MRPL42: variants seen among roughly 807,000 people sequenced by gnomAD.
MRPL42 encodes large ribosomal subunit protein mL42.
Under a neutral mutation model 17.9 loss-of-function variants are expected in MRPL42, and 17 were observed. That is an observed-to-expected ratio of 0.95 (90% CI 0.65 to 1.42). The LOEUF (loss-of-function observed/expected upper bound fraction) is 1.42, where lower values mean the gene tolerates loss of function less well. Ranked by LOEUF, MRPL42 falls within the 40% of genes most tolerant of loss-of-function variation. MRPL42 has a pLI of 0.00. For missense variants in MRPL42, 177 were observed against 175.2 expected (o/e 1.01, Z -0.06); for synonymous variants, 59 against 54.4 (o/e 1.08, Z -0.37).
chr12:93,478,309 G>A (rs528464538), intron 3 of MRPL42, among the ~76,000 whole-genome samples: 5 of 151,774 alleles, frequency 3.3e-5, no homozygotes, highest in South Asian at 4.2e-4. Context: ...GTGCAGTGGC[G>A]CTATGTCAGC....
intron 5 of MRPL42, among the ~76,000 whole-genome samples, chr12:93,491,799 T>A (rs1021107949): frequency 5.9e-5 from 9 of 152,188 alleles, no homozygotes; most frequent in Non-Finnish European, 1.2e-4. Flanking sequence ...CCCCAGTGTT[T>A]TTTGTTTCCA....
chr12:93,477,401 C>T (rs1169176832), intron 3 of MRPL42, among the ~76,000 whole-genome samples: 3 of 152,150 alleles, frequency 2.0e-5, no homozygotes, highest in African/African-American at 7.2e-5. Context: ...ATTATACATA[C>T]TTAATTTAGC....
chr12:93,504,333 G>T lies in MRPL42; in HGVS notation c.*3112G>T, dbSNP rs1015643918. On this transcript the variant is annotated 3_prime_UTR_variant, in exon 6 of 6. Transcript: ENST00000549982. ...ATTTTGCATTTTTAGTAGAGACAGG[G>T]TTTCACCATGTTGGTCAGGCTGGTC... 2.6e-5 allele frequency: 4 copies of T among 152,566 alleles called. No homozygotes were observed. In the East Asian group the frequency reaches 5.8e-4, roughly 22 times the overall value. 9.5% of individuals were successfully genotyped at this position (152,566 alleles called of 1,614,324 possible).
At chr12:93,476,106 A>G (rs1031675966) in intron 2 of MRPL42, among the ~76,000 whole-genome samples, 3 of 152,222 alleles carry the variant, frequency 2.0e-5, no homozygotes. Flanking sequence ...AGTTAATTTT[A>G]AACAAATCAT....
At position 93,502,198 on chromosome 12, in the gene MRPL42, A is replaced by C. The variant is rs140852691; in HGVS notation, c.*977A>C. On this transcript the variant is annotated 3_prime_UTR_variant, in exon 6 of 6. Transcript: ENST00000549982. ...CTGTCTTAAAGATTATGCTAGCTTT[A>C]GAACACATGCAAACAGCTGCAGCTC... The C allele has an allele frequency of 6.6e-6, 1 of 152,200 alleles. No homozygotes were observed. Among genetic ancestry groups the C allele is most frequent in the Non-Finnish European group, 1.5e-5 (1 of 68,034 alleles). The allele number at this position is 152,200 out of a possible 1,614,324, so 9.4% of individuals were successfully genotyped here. A position where few individuals can be genotyped will look rare whatever the true frequency, so the allele number is the denominator to read the frequency against.
chr12:93,471,697 C>T (rs930776943), intron 2 of MRPL42, among the ~76,000 whole-genome samples: 1 of 152,184 alleles, frequency 6.6e-6, no homozygotes, highest in Non-Finnish European at 1.5e-5. Context: ...ACATTTATTA[C>T]ATTATATTCA....
At chr12:93,492,903 A>G (rs1369618899) in intron 5 of MRPL42, among the ~76,000 whole-genome samples, 2 of 141,110 alleles carry the variant, frequency 1.4e-5, no homozygotes, top group Non-Finnish European at 3.0e-5. Context: ...AACCTTGCAG[A>G]CACTATTAAT....
chr12:93,485,823 G>A (rs906620096), intron 4 of MRPL42, among the ~76,000 whole-genome samples: 1 of 151,830 alleles, frequency 6.6e-6, no homozygotes, highest in Non-Finnish European at 1.5e-5. Flanking sequence ...GTTTTGTTTT[G>A]TTTTGAGACA....
In MRPL42 at chr12:93,469,240, T is replaced by G; in HGVS notation, c.-46T>G. 1 of 1,498,002 alleles carries G rather than the reference T, an allele frequency of 6.7e-7. No homozygotes were observed. The allele number at this position is 1,498,002 out of a possible 1,614,324, so 92.8% of individuals were successfully genotyped here. ...AGCAGATTCTAAAAGCAGTTTCTCT[T>G]CAGAACATCTTTTTTCATACCACTT... On this transcript the variant is annotated 5_prime_UTR_variant, in exon 2 of 6. Transcript: ENST00000549982.
intron 4 of MRPL42, among the ~76,000 whole-genome samples, chr12:93,485,925 G>C (rs149592945): frequency 1.2e-4 from 19 of 152,040 alleles, no homozygotes; most frequent in Non-Finnish European, 2.9e-5. Context: ...TCCTGCCTCA[G>C]ACCCCAAGTA....
chr12:93,486,810 G>A (rs1380082520), intron 4 of MRPL42, among the ~76,000 whole-genome samples: 2 of 151,946 alleles, frequency 1.3e-5, no homozygotes, highest in Admixed American at 6.6e-5. Context: ...AACATTAAAT[G>A]AGGGCTTTCT....
Position 93,505,587 on chromosome 12 carries a change from A to G in MRPL42, c.*4366A>G, listed in dbSNP as rs955666807. On this transcript the variant is annotated 3_prime_UTR_variant, in exon 6 of 6. Coordinates refer to ENST00000549982, the MANE Select transcript of MRPL42 (RefSeq NM_014050.4). ...CACCAAAGAAAGATACTCCCAATTG[A>G]GCTCAGCCATCAGCCTCCTACTATT... 14 of 152,292 alleles carry G rather than the reference A, an allele frequency of 9.2e-5. No homozygotes were observed. Among genetic ancestry groups the G allele is most frequent in the African/African-American group, 3.4e-4 (14 of 41,548 alleles). 9.4% of individuals were successfully genotyped at this position (152,292 alleles called of 1,614,324 possible).
chr12:93,496,444 C>A (rs1002386159), intron 5 of MRPL42, among the ~76,000 whole-genome samples: 1 of 151,620 alleles, frequency 6.6e-6, no homozygotes, highest in Admixed American at 6.6e-5. Flanking sequence ...TTAATAGATA[C>A]CTAATAAACT....
rs1192454854 is a variant in MRPL42, at chr12:93,513,300, A to G, written c.*12079A>G. On this transcript the variant is annotated 3_prime_UTR_variant, in exon 6 of 6. Coordinates refer to ENST00000549982, the MANE Select transcript of MRPL42 (RefSeq NM_014050.4). ...AACCTTGAACTTCTGGGCTCAAGCA[A>G]TCCTCTCACCTCAGCCTGCAGCTGG... 4 of 150,364 alleles carry G rather than the reference A, an allele frequency of 2.7e-5. No individual in the cohort carries two copies. Among genetic ancestry groups the G allele is most frequent in the African/African-American group, 7.4e-5 (3 of 40,582 alleles). The allele number at this position is 150,364 out of a possible 1,614,324, so 9.3% of individuals were successfully genotyped here. A position where few individuals can be genotyped will look rare whatever the true frequency, so the allele number is the denominator to read the frequency against.
At chr12:93,494,779 C>G (rs1953465322) in intron 5 of MRPL42, among the ~76,000 whole-genome samples, 1 of 152,156 alleles carries the variant, frequency 6.6e-6, no homozygotes, top group South Asian at 2.1e-4. Flanking sequence ...AGGACTGATT[C>G]TTGGGGCACT....
At chr12:93,491,099 C>T (rs909471346) in intron 5 of MRPL42, among the ~76,000 whole-genome samples, 1 of 152,278 alleles carries the variant, frequency 6.6e-6, no homozygotes, top group South Asian at 2.1e-4. Context: ...CCATGTTGGC[C>T]AGGCTGGTCT....
intron 2 of MRPL42, among the ~76,000 whole-genome samples, chr12:93,475,394 G>A (rs1422504442): frequency 1.3e-5 from 2 of 152,010 alleles, no homozygotes; most frequent in African/African-American, 4.8e-5. Flanking sequence ...GGGATTACAG[G>A]CATGAGCCAC....
Position 93,509,619 on chromosome 12 carries a change from G to A in MRPL42, c.*8398G>A, listed in dbSNP as rs1294521986. On this transcript the variant is annotated 3_prime_UTR_variant, in exon 6 of 6. Transcript: ENST00000549982. ...TGTTTGCACTAAGTTCAGCATAAATGTAGTGACCTCCTGGGTCACTGGGAC... is the reference window on the plus strand; with the variant it reads ...TGTTTGCACTAAGTTCAGCATAAATATAGTGACCTCCTGGGTCACTGGGAC... 1 of 152,078 alleles carries A rather than the reference G, an allele frequency of 6.6e-6. No individual in the cohort carries two copies. Among genetic ancestry groups the A allele is most frequent in the Non-Finnish European group, 1.5e-5 (1 of 68,038 alleles). The allele number at this position is 152,078 out of a possible 1,614,324, so 9.4% of individuals were successfully genotyped here.
intron 2 of MRPL42, 130 bp from the exon 3 acceptor site, chr12:93,476,824 C>G (rs1880204924): frequency 2.6e-6 from 2 of 783,508 alleles, no homozygotes; most frequent in Admixed American, 2.5e-5. Flanking sequence ...TGTTGAATCC[C>G]TAGCCCCTAG....
Sources: allele counts gnomAD v4.1 joint callset (sites outside exome capture counted in the v4.1 genomes callset), GRCh38; gene constraint gnomAD v4.1.1; transcripts MANE v1.5; gene names NCBI Gene and HGNC (gene_info 2026-07-23, HGNC 2026-07-21).